EDIL3: variants seen among roughly 807,000 people sequenced by gnomAD.
The protein encoded by EDIL3 is EGF like and discoidin domains 3, also known as EGF-like repeat and discoidin I-like domain-containing protein 3.
In EDIL3, 37 loss-of-function variants were observed where a neutral mutation model predicts 67.4. The ratio of observed to expected loss-of-function variants is 0.55; its 90% CI spans 0.42 to 0.72. The LOEUF (loss-of-function observed/expected upper bound fraction) is 0.72, where lower values mean the gene tolerates loss of function less well. Ranked by LOEUF, EDIL3 falls within the 30% of genes least tolerant of loss-of-function variation. EDIL3 has a pLI of 0.00. For synonymous variants in EDIL3, 195 were observed against 196.3 expected, an observed-to-expected ratio of 0.99 and a Z score of 0.05; for missense variants, 527 against 586.3, an observed-to-expected ratio of 0.90 and a Z score of 1.04.
chr5:84,201,545 T>C (rs75668528), intron 3 of EDIL3, among the ~76,000 whole-genome samples: 1,731 of 152,162 alleles, frequency 0.011, 35 homozygotes, highest in African/African-American at 0.04. Flanking sequence ...GACTGGGTAG[T>C]TGTCATCAAT....
At chr5:84,273,109 C>A (rs1156771658) in intron 1 of EDIL3, among the ~76,000 whole-genome samples, 1 of 152,046 alleles carries the variant, frequency 6.6e-6, no homozygotes, top group Admixed American at 6.5e-5. Flanking sequence ...CACATCCAAA[C>A]CCCATGATAT....
rs548663579 is a variant in EDIL3, at chr5:84,086,869, T to C, written c.651+19780A>G. Among the ~76,000 whole-genome samples the C allele has an allele frequency of 1.2e-4, 18 of 152,190 alleles. No homozygotes were observed. In the South Asian group the frequency reaches 1.9e-3, roughly 16 times the overall value. ...GTATCCTCTGTCTCGTTACCCAGTG[T>C]ATATACCTGATCCCACGGTCCAAGA... On this transcript the variant is annotated intron_variant, in intron 6 of 10. Coordinates refer to ENST00000296591, the MANE Select transcript of EDIL3 (RefSeq NM_005711.5).
At chr5:84,321,005 G>A (rs910729862) in intron 1 of EDIL3, among the ~76,000 whole-genome samples, 1 of 152,098 alleles carries the variant, frequency 6.6e-6, no homozygotes, top group African/African-American at 2.4e-5. Flanking sequence ...TTTCTGCAAC[G>A]ATTTTAGATA....
intron 7 of EDIL3, among the ~76,000 whole-genome samples, chr5:84,065,989 C>A (rs1746632380): frequency 6.6e-6 from 1 of 151,696 alleles, no homozygotes; most frequent in Admixed American, 6.6e-5. Flanking sequence ...GTGGTGGGCA[C>A]CTGTAGTCCC....
chr5:83,955,153 TAATA>T (rs1223615103), intron 10 of EDIL3, among the ~76,000 whole-genome samples: 2 of 151,762 alleles, frequency 1.3e-5, no homozygotes, highest in Admixed American at 1.3e-4. Context: ...TTAGGTCTAT[TAATA>T]AATAAGTCAC....
At chr5:84,360,289 G>T (rs2112200131) in intron 1 of EDIL3, among the ~76,000 whole-genome samples, 2 of 152,306 alleles carry the variant, frequency 1.3e-5, no homozygotes, top group Middle Eastern at 6.8e-3. Context: ...CGGTCACTGA[G>T]TAATTCAGAA....
At position 84,288,874 on chromosome 5, in the gene EDIL3, T is replaced by A. The variant is rs552065885; in HGVS notation, c.68-34662A>T. ...AATGAATCCCCACAAGAATAGACTT[T>A]TTTTTTTTACTCCTATACCCATCAC... is the stretch of plus-strand genomic sequence containing the variant. On this transcript the variant is annotated intron_variant, in intron 1 of 10. Coordinates refer to ENST00000296591, the MANE Select transcript of EDIL3 (RefSeq NM_005711.5). Among the ~76,000 whole-genome samples, 3 of 152,040 alleles carry A rather than the reference T, an allele frequency of 2.0e-5. No homozygotes were observed. In the South Asian group the frequency reaches 6.2e-4, roughly 31 times the overall value.
chr5:84,331,729 T>C (rs1746875616), intron 1 of EDIL3, among the ~76,000 whole-genome samples: 1 of 152,200 alleles, frequency 6.6e-6, no homozygotes, highest in Admixed American at 6.5e-5. Flanking sequence ...TATGAATATT[T>C]AAATGTTTCT....
At chr5:84,256,043 G>A (rs1290616345) in intron 1 of EDIL3, among the ~76,000 whole-genome samples, 1 of 152,124 alleles carries the variant, frequency 6.6e-6, no homozygotes, top group Non-Finnish European at 1.5e-5. Flanking sequence ...AATCCTGGCA[G>A]CATTTTGAAT....
At chr5:84,148,192 G>A (rs1216160058) in intron 4 of EDIL3, among the ~76,000 whole-genome samples, 1 of 152,106 alleles carries the variant, frequency 6.6e-6, no homozygotes, top group African/African-American at 2.4e-5. Flanking sequence ...TTGTTTGATA[G>A]AGTGTTTCTT....
chr5:84,215,641 A>G (rs554923458), intron 3 of EDIL3, among the ~76,000 whole-genome samples: 2 of 152,300 alleles, frequency 1.3e-5, no homozygotes, highest in Non-Finnish European at 2.9e-5. Flanking sequence ...AACTTTTTAG[A>G]GACAAAGGAA....
intron 9 of EDIL3, among the ~76,000 whole-genome samples, chr5:83,967,396 G>T (rs1024603465): frequency 3.3e-5 from 5 of 152,054 alleles, no homozygotes; most frequent in Non-Finnish European, 5.9e-5. Context: ...GTGATGCAAT[G>T]GAGATATAGC....
intron 9 of EDIL3, among the ~76,000 whole-genome samples, chr5:83,983,332 T>C (rs1393984153): frequency 6.6e-6 from 1 of 152,126 alleles, no homozygotes; most frequent in Non-Finnish European, 1.5e-5. Context: ...ATATTAGGTA[T>C]TGAGGAACAT....
In EDIL3 at chr5:84,191,304, T is replaced by C. The variant is rs3776908; in HGVS notation, c.227-10783A>G. 3.8e-3 allele frequency among the ~76,000 whole-genome samples: 575 copies of C among 152,184 alleles called. 23 individuals are homozygous for C. The East Asian group carries it at 0.085, about 22-fold the overall frequency. On this transcript the variant is annotated intron_variant, in intron 3 of 10. Coordinates refer to ENST00000296591, the MANE Select transcript of EDIL3 (RefSeq NM_005711.5). The stretch of plus-strand genomic sequence containing the variant: ...GGAGGTGGAGGAAAGGATTTCTATT[T>C]TTACTTTTGGAATCTGTCCTCCGTG...
At chr5:84,166,333 T>C (rs1561451011) in intron 4 of EDIL3, among the ~76,000 whole-genome samples, 1 of 152,170 alleles carries the variant, frequency 6.6e-6, no homozygotes, top group Non-Finnish European at 1.5e-5. Context: ...ATTTAAGAGT[T>C]TTTGTTTGTT....
chr5:84,086,146 G>A (rs1016518820), intron 6 of EDIL3, among the ~76,000 whole-genome samples: 2 of 152,156 alleles, frequency 1.3e-5, no homozygotes, highest in Admixed American at 1.3e-4. Context: ...TCTGGCTTCA[G>A]CCCCCTTTCC....
intron 6 of EDIL3, among the ~76,000 whole-genome samples, chr5:84,080,470 A>G (rs1184338077): frequency 6.6e-6 from 1 of 152,130 alleles, no homozygotes; most frequent in African/African-American, 2.4e-5. Flanking sequence ...TTCTCTGCTA[A>G]GCCAACTCTC....
At chr5:83,948,141 A>G (rs534226233) in intron 10 of EDIL3, among the ~76,000 whole-genome samples, 1 of 151,898 alleles carries the variant, frequency 6.6e-6, no homozygotes, top group Non-Finnish European at 1.5e-5. Context: ...TTTATGGTCA[A>G]ATAGATTTTG....
chr5:84,033,281 A>T (rs1172531245), intron 9 of EDIL3, among the ~76,000 whole-genome samples: 1 of 152,228 alleles, frequency 6.6e-6, no homozygotes, highest in Admixed American at 6.5e-5. Flanking sequence ...ATAACTTTAC[A>T]CATGAGAAAT....
Sources: allele counts gnomAD v4.1 joint callset (sites outside exome capture counted in the v4.1 genomes callset), GRCh38; gene constraint gnomAD v4.1.1; transcripts MANE v1.5; gene names NCBI Gene and HGNC (gene_info 2026-07-23, HGNC 2026-07-21).